The following KIAA0930 variants were observed in gnomAD, a reference collection of about 807,000 sequenced individuals.
The protein encoded by KIAA0930 is KIAA0930, also known as uncharacterized protein KIAA0930.
A neutral mutation model predicts 43.9 loss-of-function variants in KIAA0930; 24 were observed. The observed-to-expected ratio is 0.55, with a 90% CI of 0.40 to 0.77. The LOEUF (loss-of-function observed/expected upper bound fraction) is 0.77, where lower values mean the gene tolerates loss of function less well. Among genes scored for constraint, KIAA0930 ranks in the 30% least tolerant of loss-of-function variants. KIAA0930 has a pLI of 0.00. For synonymous variants in KIAA0930, 259 were observed against 216.4 expected, an observed-to-expected ratio of 1.20 and a Z score of -1.73; for missense variants, 461 against 574.2, an observed-to-expected ratio of 0.80 and a Z score of 2.02.
chr22:45,201,485 G>A (rs2083588481), intron 7 of KIAA0930, among the ~76,000 whole-genome samples: 2 of 152,156 alleles, frequency 1.3e-5, no homozygotes, highest in Admixed American at 6.5e-5. Context: ...GTGGCTGGAG[G>A]TGGCACCCGG....
At chr22:45,211,052 C>G (rs1397273262) in intron 2 of KIAA0930, among the ~76,000 whole-genome samples, 1 of 152,168 alleles carries the variant, frequency 6.6e-6, no homozygotes, top group Non-Finnish European at 1.5e-5. Flanking sequence ...AGCATGCAGG[C>G]ACCCAGGCCC....
At chr22:45,207,485 ATTTT>A (rs34108837) in intron 2 of KIAA0930, 16 of 137,822 alleles carry the variant, frequency 1.2e-4, no homozygotes, top group East Asian at 4.4e-4. Context: ...ACCACACGTA[ATTTT>A]TTTTTTTTTT....
intron 7 of KIAA0930, among the ~76,000 whole-genome samples, chr22:45,200,484 C>T (rs1189116061): frequency 6.6e-6 from 1 of 152,164 alleles, no homozygotes; most frequent in Non-Finnish European, 1.5e-5. Flanking sequence ...GAGACCCTGG[C>T]TTGCCTGTGG....
intron 1 of KIAA0930, among the ~76,000 whole-genome samples, chr22:45,221,418 A>G (rs2083766954): frequency 6.6e-6 from 1 of 152,200 alleles, no homozygotes; most frequent in South Asian, 2.1e-4. Flanking sequence ...CAAAAACAGG[A>G]AACAGTCCGG....
chr22:45,217,525 T>C (rs2083741500), intron 1 of KIAA0930, among the ~76,000 whole-genome samples: 1 of 152,108 alleles, frequency 6.6e-6, no homozygotes, highest in Non-Finnish European at 1.5e-5. Flanking sequence ...TGGGACTAGA[T>C]AGCATCTCAG....
intron 1 of KIAA0930, among the ~76,000 whole-genome samples, chr22:45,240,153 C>G (rs572382903): frequency 6.6e-6 from 1 of 152,206 alleles, no homozygotes; most frequent in Admixed American, 6.5e-5. Flanking sequence ...TGCGGAAAGA[C>G]AAAGGCTTCG....
chr22:45,212,082 G>T lies in KIAA0930; in HGVS notation c.90C>A (p.Val30=), dbSNP rs750394473. Residue 30 remains valine, a synonymous_variant, in exon 2 of 10, where the codon GTC becomes GTA. Coordinates refer to ENST00000336156, the MANE Select transcript of KIAA0930 (RefSeq NM_001009880.2). ...AGGTGGAGAACATCCAAGTCCAGAAGACGATGCGGTCATCCTTGAAGCACC... is the reference window on the plus strand; with the variant it reads ...AGGTGGAGAACATCCAAGTCCAGAATACGATGCGGTCATCCTTGAAGCACC... The part of the protein sequence containing the change: ...GLGCFKDDRI[V]FWTWMFSTYF... 1.2e-6 allele frequency: 2 copies of T among 1,613,962 alleles called. No homozygotes were observed. Among genetic ancestry groups the T allele is most frequent in the Non-Finnish European group, 1.7e-6 (2 of 1,180,012 alleles).
At chr22:45,235,624 C>T (rs1018164069) in intron 1 of KIAA0930, among the ~76,000 whole-genome samples, 1 of 152,130 alleles carries the variant, frequency 6.6e-6, no homozygotes, top group African/African-American at 2.4e-5. Context: ...CCTGATTCCA[C>T]GTGCAGGCAC....
intron 1 of KIAA0930, among the ~76,000 whole-genome samples, chr22:45,238,788 T>C (rs1386637564): frequency 1.3e-5 from 2 of 150,814 alleles, no homozygotes; most frequent in East Asian, 3.9e-4. Context: ...ATTCAGGGAG[T>C]GGAGGGCAGG....
In KIAA0930 at chr22:45,194,047, T is replaced by G. The variant is rs2083513776; in HGVS notation, c.*3129A>C. The G allele has an allele frequency of 1.6e-5, 2 of 128,450 alleles. No homozygotes were observed. Among genetic ancestry groups the G allele is most frequent in the East Asian group, 2.4e-4 (1 of 4,168 alleles). 8.0% of individuals were successfully genotyped at this position (128,450 alleles called of 1,614,324 possible). A position where few individuals can be genotyped will look rare whatever the true frequency, so the allele number is the denominator to read the frequency against. ...AAGGGGGTTTGGGTTTAAAGACCAA[T>G]GTATCTTTTTTTTTTTTTTTTTTTT... On this transcript the variant is annotated 3_prime_UTR_variant, in exon 10 of 10. Transcript: ENST00000336156.
In KIAA0930 at chr22:45,232,782, G is replaced by A. The variant is rs1358099603; in HGVS notation, c.64+7858C>T. On this transcript the variant is annotated intron_variant, in intron 1 of 9. Transcript: ENST00000336156. ...CTGCAGAGTGGGCTGGGTGGGGACC[G>A]GCTCCAGGGGAGGCTGGCCCACCGC... is the stretch of plus-strand genomic sequence containing the variant. Among the ~76,000 whole-genome samples, 12 of 152,244 alleles carry A rather than the reference G, an allele frequency of 7.9e-5. No individual in the cohort carries two copies. In the South Asian group the frequency reaches 1.7e-3, roughly 21 times the overall value.
At position 45,196,444 on chromosome 22, in the gene KIAA0930, T is replaced by A. The variant is rs532102016; in HGVS notation, c.*732A>T. 6.5e-6 allele frequency: 1 copy of A among 152,718 alleles called. No homozygotes were observed. Among genetic ancestry groups the A allele is most frequent in the South Asian group, 2.1e-4 (1 of 4,818 alleles). The allele number at this position is 152,718 out of a possible 1,614,324, so 9.5% of individuals were successfully genotyped here. On this transcript the variant is annotated 3_prime_UTR_variant, in exon 10 of 10. Coordinates refer to ENST00000336156, the MANE Select transcript of KIAA0930 (RefSeq NM_001009880.2). The surrounding 1 kb of genome is among the most constrained non-coding windows in gnomAD (Gnocchi z 4.1). ...TCCCGACTACCCTCAGAATCCAAAT[T>A]CTGCAGGTTCCTCCGTGCGAGGCCC...
At chr22:45,233,516 G>GC (rs1569085714) in intron 1 of KIAA0930, among the ~76,000 whole-genome samples, 1 of 152,174 alleles carries the variant, frequency 6.6e-6, no homozygotes, top group Admixed American at 6.5e-5. Flanking sequence ...CCAGAGGCGG[G>GC]CATCACCTGG....
intron 7 of KIAA0930, among the ~76,000 whole-genome samples, chr22:45,201,184 A>C (rs868479887): frequency 8.5e-5 from 13 of 152,254 alleles, no homozygotes; most frequent in African/African-American, 2.9e-4. Context: ...TAAAAGAAAC[A>C]AACAGCAGCA....
chr22:45,240,553 C>T lies in KIAA0930; in HGVS notation c.64+87G>A, dbSNP rs2083910665. The T allele has an allele frequency of 9.7e-6, 9 of 930,184 alleles. No homozygotes were observed. The South Asian group carries it at 1.2e-4, about 12-fold the overall frequency. 57.6% of individuals were successfully genotyped at this position (930,184 alleles called of 1,614,324 possible). ...ACACCCGCGCAGAGACAGAGATGCGCGGGGCGCACAGAAACACGGACGCGC... is the reference window on the plus strand; with the variant it reads ...ACACCCGCGCAGAGACAGAGATGCGTGGGGCGCACAGAAACACGGACGCGC... On this transcript the variant is annotated intron_variant, in intron 1 of 9. Transcript: ENST00000336156.
At chr22:45,206,352 C>T (rs1001381409) in intron 2 of KIAA0930, among the ~76,000 whole-genome samples, 7 of 152,102 alleles carry the variant, frequency 4.6e-5, no homozygotes, top group Non-Finnish European at 8.8e-5. Context: ...TCTCTAGCGA[C>T]GGGAGATGGG....
intron 1 of KIAA0930, among the ~76,000 whole-genome samples, chr22:45,228,490 A>C (rs963444753): frequency 2.9e-4 from 44 of 152,180 alleles, no homozygotes; most frequent in African/African-American, 9.7e-4. Flanking sequence ...GAGATAGAGC[A>C]GCAAGCAGTA....
At chr22:45,204,524 C>A (rs964063105) in intron 5 of KIAA0930, among the ~76,000 whole-genome samples, 1 of 152,182 alleles carries the variant, frequency 6.6e-6, no homozygotes, top group Non-Finnish European at 1.5e-5. Flanking sequence ...CTAGGAGCTA[C>A]GTGTGCCTGG....
In KIAA0930 at chr22:45,199,853, G is replaced by A. The variant is rs1047553814; in HGVS notation, c.1015+20C>T. Reference sequence around the variant, plus strand: ...AGACTGAAGGGCACGGGGACCCTAGGGCACGGAGTGGGGGGTCACCTCCAC... The same window carrying A: ...AGACTGAAGGGCACGGGGACCCTAGAGCACGGAGTGGGGGGTCACCTCCAC... On this transcript the variant is annotated intron_variant, in intron 8 of 9. Coordinates refer to ENST00000336156, the MANE Select transcript of KIAA0930 (RefSeq NM_001009880.2). The A allele has an allele frequency of 3.9e-6, 6 of 1,540,880 alleles. No individual in the cohort carries two copies. Among genetic ancestry groups the A allele is most frequent in the Non-Finnish European group, 5.3e-6 (6 of 1,138,866 alleles).
Sources: allele counts gnomAD v4.1 joint callset (sites outside exome capture counted in the v4.1 genomes callset), GRCh38; gene constraint gnomAD v4.1.1; non-coding constraint Gnocchi (gnomAD v3.1); transcripts MANE v1.5; gene names NCBI Gene and HGNC (gene_info 2026-07-23, HGNC 2026-07-21).